TERB2: variants seen among roughly 807,000 people sequenced by gnomAD.
The protein encoded by TERB2 is telomere repeat binding bouquet formation protein 2.
A neutral mutation model predicts 29.8 loss-of-function variants in TERB2; 26 were observed. The observed-to-expected ratio is 0.87, with a 90% confidence interval of 0.64 to 1.21. The LOEUF (loss-of-function observed/expected upper bound fraction) is 1.21, where lower values mean the gene tolerates loss of function less well. TERB2 is among the 50% of genes most tolerant of loss of function. TERB2 has a pLI of 0.00. For synonymous variants in TERB2, 80 were observed against 90.8 expected, an observed-to-expected ratio of 0.88 and a Z score of 0.68; for missense variants, 240 against 268.6, an observed-to-expected ratio of 0.89 and a Z score of 0.74.
At chr15:44,968,658 G>GTT (rs1891924353) in intron 5 of TERB2, among the ~76,000 whole-genome samples, 6 of 127,032 alleles carry the variant, frequency 4.7e-5, no homozygotes, top group Non-Finnish European at 9.3e-5. Context: ...GCAGTGGCAC[G>GTT]ATTTCAGTTC....
rs545171399 is a variant in TERB2, at chr15:44,968,426, G to T, written c.434+2183G>T. Among the ~76,000 whole-genome samples, 67 of 151,808 alleles carry T rather than the reference G, an allele frequency of 4.4e-4. No individual in the cohort carries two copies. In the East Asian group the frequency reaches 0.012, roughly 28 times the overall value. On this transcript the variant is annotated intron_variant, in intron 5 of 6. Coordinates refer to ENST00000340827, the MANE Select transcript of TERB2 (RefSeq NM_152448.3). Reference sequence around the variant, plus strand: ...AGTAGAGACGGGGTTTGGCCATGTTGCCCAGGCTGGTCTCAAATTCCTGGC... The same window carrying T: ...AGTAGAGACGGGGTTTGGCCATGTTTCCCAGGCTGGTCTCAAATTCCTGGC...
chr15:44,963,562 T>C (rs1401448396), intron 4 of TERB2, among the ~76,000 whole-genome samples: 4 of 151,910 alleles, frequency 2.6e-5, no homozygotes, highest in African/African-American at 9.7e-5. Flanking sequence ...AACAATGAAC[T>C]GTATAATGGG....
chr15:44,978,833 A>G lies in TERB2; in HGVS notation c.*205A>G, dbSNP rs1239769365. 1.9e-6 allele frequency: 1 copy of G among 516,002 alleles called. No individual in the cohort carries two copies. Among genetic ancestry groups the G allele is most frequent in the Non-Finnish European group, 2.9e-6 (1 of 344,644 alleles). 32.0% of individuals were successfully genotyped at this position (516,002 alleles called of 1,614,324 possible). ...CCCCTAGCTTTTAACAACATGTTCAAATATTCTCAATGCACAGTTGTTAAT... is the reference window on the plus strand; with the variant it reads ...CCCCTAGCTTTTAACAACATGTTCAGATATTCTCAATGCACAGTTGTTAAT... On this transcript the variant is annotated 3_prime_UTR_variant, in exon 7 of 7. Coordinates refer to ENST00000340827, the MANE Select transcript of TERB2 (RefSeq NM_152448.3).
chr15:44,969,436 C>T (rs1357727648), intron 5 of TERB2, among the ~76,000 whole-genome samples: 5 of 151,730 alleles, frequency 3.3e-5, no homozygotes, highest in Non-Finnish European at 5.9e-5. Context: ...GTCAAGATGG[C>T]ATCTCACTAT....
In TERB2 at chr15:44,957,617, C is replaced by G. The variant is rs1057174006; in HGVS notation, c.146+640C>G. 2.6e-5 allele frequency among the ~76,000 whole-genome samples: 4 copies of G among 152,312 alleles called. No homozygotes were observed. In the East Asian group the frequency reaches 7.7e-4, roughly 29 times the overall value. On this transcript the variant is annotated intron_variant, in intron 2 of 6. Transcript: ENST00000340827. The stretch of plus-strand genomic sequence containing the variant: ...CATGAATTAGATCCCTGTAATTGTT[C>G]TTCATCCTCACTGACACTAACTTAG...
chr15:44,965,770 T>C (rs1467078460), intron 4 of TERB2, among the ~76,000 whole-genome samples: 1 of 151,500 alleles, frequency 6.6e-6, no homozygotes, highest in Non-Finnish European at 1.5e-5. Flanking sequence ...TCAAGGATTT[T>C]AAGGAAGTTT....
chr15:44,966,632 C>T (rs1185846971), intron 5 of TERB2, among the ~76,000 whole-genome samples: 7 of 152,108 alleles, frequency 4.6e-5, no homozygotes, highest in South Asian at 2.1e-4. Flanking sequence ...AAAAATTATA[C>T]GTATCTGTGT....
In TERB2 at chr15:44,966,142, AC is replaced by A. The variant is rs746567003; in HGVS notation, c.349-15del. The A allele has an allele frequency of 1.4e-6, 2 of 1,455,800 alleles. No homozygotes were observed. Among genetic ancestry groups the A allele is most frequent in the Non-Finnish European group, 1.8e-6 (2 of 1,099,146 alleles). The allele number at this position is 1,455,800 out of a possible 1,614,324, so 90.2% of individuals were successfully genotyped here. ...ATGACGATTTTTTAAAATGTGATTT[AC>A]TTTTCTATCCACAGCATGATGAAGT... On this transcript the variant is annotated splice_polypyrimidine_tract_variant and intron_variant, in intron 4 of 6. Transcript: ENST00000340827.
intron 4 of TERB2, among the ~76,000 whole-genome samples, chr15:44,962,204 CAG>C (rs1267781264): frequency 1.4e-5 from 2 of 144,124 alleles, no homozygotes; most frequent in Non-Finnish European, 3.0e-5. Context: ...TTTTTGGAGA[CAG>C]AGTCTCCCTC....
chr15:44,966,652 C>G (rs1891893446), intron 5 of TERB2, among the ~76,000 whole-genome samples: 2 of 152,008 alleles, frequency 1.3e-5, no homozygotes, highest in Non-Finnish European at 2.9e-5. Context: ...TGTGAAAACC[C>G]CATCATCACA....
intron 5 of TERB2, among the ~76,000 whole-genome samples, chr15:44,973,096 G>C (rs1891994565): frequency 6.6e-6 from 1 of 152,020 alleles, no homozygotes; most frequent in Non-Finnish European, 1.5e-5. Flanking sequence ...GGCCAGGCTG[G>C]TCTCGAACTC....
Position 44,961,191 on chromosome 15 carries a change from G to T in TERB2, c.287-332G>T, listed in dbSNP as rs1304391153. On this transcript the variant is annotated intron_variant, in intron 3 of 6. Coordinates refer to ENST00000340827, the MANE Select transcript of TERB2 (RefSeq NM_152448.3). The stretch of plus-strand genomic sequence containing the variant: ...GAAGAGTGGATGAACATACCTCAAT[G>T]ATATATATATATATATATATATATA... Among the ~76,000 whole-genome samples, 48 of 136,430 alleles carry T rather than the reference G, an allele frequency of 3.5e-4. 1 individual carries two copies. Among genetic ancestry groups the T allele is most frequent in the African/African-American group, 1.1e-3 (42 of 37,720 alleles). The allele number at this position is 136,430 out of a possible 152,430, so 89.5% of individuals were successfully genotyped here. A position where few individuals can be genotyped will look rare whatever the true frequency, so the allele number is the denominator to read the frequency against.
intron 5 of TERB2, among the ~76,000 whole-genome samples, chr15:44,971,621 G>GGCGGGT (rs1330946369): frequency 6.6e-6 from 1 of 152,010 alleles, no homozygotes; most frequent in Non-Finnish European, 1.5e-5. Context: ...CAGGTGTGGT[G>GGCGGGT]GCGGGTGCCT....
In TERB2 at chr15:44,978,593, A is replaced by G. The variant is rs766904117; in HGVS notation, c.628A>G (p.Met210Val). ...ATATCATGTTCAAAATGAAATTAAT[A>G]TGTCTGCTATAAAAAACAAATTGAA... ...LAYHVQNEIN[M>V]SAIKNKLKRK The change falls in exon 7 of 7, where the codon ATG (methionine) becomes GTG (valine). Residue 210 changes from methionine (M) to valine (V), a missense_variant. By Grantham distance (21) the Met-to-Val change is conservative. Transcript: ENST00000340827. 5 of 1,604,384 alleles carry G rather than the reference A, an allele frequency of 3.1e-6. No individual in the cohort carries two copies. In the East Asian group the frequency reaches 8.9e-5, roughly 29 times the overall value.
chr15:44,959,273 C>T (rs1891766284), intron 3 of TERB2, among the ~76,000 whole-genome samples: 1 of 152,058 alleles, frequency 6.6e-6, no homozygotes, highest in Non-Finnish European at 1.5e-5. Context: ...AGTAAATAAA[C>T]TGCTTCTGAG....
chr15:44,957,675 C>G (rs1891739614), intron 2 of TERB2, among the ~76,000 whole-genome samples: 1 of 152,152 alleles, frequency 6.6e-6, no homozygotes, highest in Non-Finnish European at 1.5e-5. Flanking sequence ...CCGGGACTAT[C>G]AGAGTAACTT....
intron 5 of TERB2, chr15:44,970,117 T>A (rs545669222): frequency 6.5e-6 from 1 of 154,700 alleles, no homozygotes; most frequent in East Asian, 1.9e-4. Flanking sequence ...TACTTTAATT[T>A]CCCTAAATGC....
At chr15:44,962,513 G>A (rs2033737482) in intron 4 of TERB2, among the ~76,000 whole-genome samples, 1 of 152,150 alleles carries the variant, frequency 6.6e-6, no homozygotes. Context: ...TACTGCCAGT[G>A]TAGACTCTGA....
intron 4 of TERB2, among the ~76,000 whole-genome samples, chr15:44,964,002 G>A (rs1313379177): frequency 6.6e-6 from 1 of 151,612 alleles, no homozygotes; most frequent in Non-Finnish European, 1.5e-5. Context: ...GTAGAGACGG[G>A]GTTTCACCAT....
Sources: allele counts gnomAD v4.1 joint callset (sites outside exome capture counted in the v4.1 genomes callset), GRCh38; gene constraint gnomAD v4.1.1; transcripts MANE v1.5; gene names NCBI Gene and HGNC (gene_info 2026-07-23, HGNC 2026-07-21).